AREL1: variants seen among roughly 807,000 people sequenced by gnomAD.
The protein encoded by AREL1 is apoptosis resistant E3 ubiquitin protein ligase 1, also known as apoptosis-resistant E3 ubiquitin protein ligase 1.
In AREL1, 62 loss-of-function variants were observed where a neutral mutation model predicts 99.0. The observed-to-expected ratio is 0.63, with a 90% CI of 0.51 to 0.77. The LOEUF (loss-of-function observed/expected upper bound fraction) is 0.77. Among genes scored for constraint, AREL1 ranks in the 30% least tolerant of loss-of-function variants. The pLI, the probability that AREL1 is intolerant of heterozygous loss-of-function variation, is 0.00. For missense variants in AREL1, 879 were observed against 1,027.6 expected (o/e 0.86, Z 1.98); for synonymous variants, 380 against 376.5 (o/e 1.01, Z -0.11).
chr14:74,667,371 T>C lies in AREL1; in HGVS notation c.2051A>G (p.Asn684Ser), dbSNP rs371956338. The C allele has an allele frequency of 6.2e-7, 1 of 1,614,184 alleles. No individual in the cohort carries two copies. The highest frequency in any genetic ancestry group is 8.5e-7 in the Non-Finnish European group (1 of 1,180,018). Residue 684 changes from asparagine to serine, a missense_variant, in exon 17 of 20, where the codon AAT becomes AGT. Physicochemically the swap from Asn to Ser is conservative, Grantham distance 46 (BLOSUM62 1). Coordinates refer to ENST00000356357, the MANE Select transcript of AREL1 (RefSeq NM_001039479.2). The stretch of plus-strand genomic sequence containing the variant: ...CAAAAGGTTCTCAGGGACCAATTCA[T>C]TCAGGCCTGAAACAAAGTAGGCAAG... ...EEVEHFLKGL[N>S]ELVPENLLAI...
At position 74,688,019 on chromosome 14, in the gene AREL1, CTTTTTTTTTTT is replaced by C. The variant is rs764034669; in HGVS notation, c.-45-2370_-45-2360del. Among the ~76,000 whole-genome samples, 18 of 108,718 alleles carry C rather than the reference CTTTTTTTTTTT, an allele frequency of 1.7e-4. No homozygotes were observed. In the South Asian group the frequency reaches 2.0e-3, roughly 12 times the overall value. The allele number at this position is 108,718 out of a possible 152,430, so 71.3% of individuals were successfully genotyped here. A position where few individuals can be genotyped will look rare whatever the true frequency, so the allele number is the denominator to read the frequency against. On this transcript the variant is annotated intron_variant, in intron 2 of 19. Coordinates refer to ENST00000356357, the MANE Select transcript of AREL1 (RefSeq NM_001039479.2). ...TCGTCCAACAAATACTGAGTACTTA[CTTTTTTTTTTT>C]TTTTTTTTTTTTTTTGACGGAGTCT...
intron 5 of AREL1, among the ~76,000 whole-genome samples, chr14:74,677,213 G>C (rs1237066226): frequency 6.6e-6 from 1 of 151,960 alleles, no homozygotes; most frequent in Non-Finnish European, 1.5e-5. Context: ...GAGGAAGAGA[G>C]GCCAGGTGCG....
At chr14:74,699,744 G>C (rs1376859316) in intron 1 of AREL1, among the ~76,000 whole-genome samples, 2 of 152,168 alleles carry the variant, frequency 1.3e-5, no homozygotes, top group Non-Finnish European at 2.9e-5. Flanking sequence ...GTTTGAAGGA[G>C]AAGTTTCCAA....
At chr14:74,695,564 C>T (rs1294312556) in intron 1 of AREL1, among the ~76,000 whole-genome samples, 4 of 152,208 alleles carry the variant, frequency 2.6e-5, no homozygotes, top group Admixed American at 6.5e-5. Context: ...AAGCACTCCC[C>T]CTTCTCTGGT....
At chr14:74,670,158 C>A (rs751294093) in intron 13 of AREL1, 32 bp from the exon 14 acceptor site, 4 of 1,546,812 alleles carry the variant, frequency 2.6e-6, no homozygotes, top group Non-Finnish European at 3.5e-6. Flanking sequence ...AGGCCCTGGG[C>A]CATTTTTCTT....
At position 74,686,337 on chromosome 14, in the gene AREL1, A is replaced by AG. The variant is rs571892095; in HGVS notation, c.-45-678dup. Among the ~76,000 whole-genome samples, 17 of 152,356 alleles carry AG rather than the reference A, an allele frequency of 1.1e-4. No homozygotes were observed. In the South Asian group the frequency reaches 3.5e-3, roughly 32 times the overall value. On this transcript the variant is annotated intron_variant, in intron 2 of 19. Coordinates refer to ENST00000356357, the MANE Select transcript of AREL1 (RefSeq NM_001039479.2). ...TCATGCCTGTCAAGGTAGGAGTCTG[A>AG]GGGAAGACTTTCACTGTTGTTAAAC...
chr14:74,661,908 C>G lies in AREL1; in HGVS notation c.*1812G>C, dbSNP rs1421373227. 1 of 152,760 alleles carries G rather than the reference C, an allele frequency of 6.5e-6. No homozygotes were observed. Among genetic ancestry groups the G allele is most frequent in the African/African-American group, 2.4e-5 (1 of 41,458 alleles). 9.5% of individuals were successfully genotyped at this position (152,760 alleles called of 1,614,324 possible). ...GGGGAGAATTCAGAAAAGCGACTGC[C>G]AAAAACAGCAGAACCAGTCCACGTG... On this transcript the variant is annotated 3_prime_UTR_variant, in exon 20 of 20. Transcript: ENST00000356357.
At chr14:74,682,172 C>CG (rs1418087024) in intron 5 of AREL1, among the ~76,000 whole-genome samples, 8 of 152,094 alleles carry the variant, frequency 5.3e-5, no homozygotes, top group Non-Finnish European at 8.8e-5. Flanking sequence ...GAAAGAGAGA[C>CG]GGCTTGAGAG....
At chr14:74,690,378 G>C (rs568849758) in intron 2 of AREL1, among the ~76,000 whole-genome samples, 1 of 152,014 alleles carries the variant, frequency 6.6e-6, no homozygotes, top group African/African-American at 2.4e-5. Flanking sequence ...GAATGCCTAA[G>C]GATCAGGAAT....
Position 74,669,988 on chromosome 14 carries a change from A to C in AREL1, c.1747T>G (p.Ser583Ala). ...KQLVRARFTR[S>A]FLAQIIGLRM... ...AGTCCTATGATTTGGGCCAGGAAAGAGCGGGTGAAGCGAGCTCGGACCAAC... is the reference window on the plus strand; with the variant it reads ...AGTCCTATGATTTGGGCCAGGAAAGCGCGGGTGAAGCGAGCTCGGACCAAC... Residue 583 changes from serine (S) to alanine (A), a missense_variant, in exon 14 of 20, where the codon TCT (serine) becomes GCT (alanine). Coordinates refer to ENST00000356357, the MANE Select transcript of AREL1 (RefSeq NM_001039479.2). 1 of 1,613,794 alleles carries C rather than the reference A, an allele frequency of 6.2e-7. No individual in the cohort carries two copies. Among genetic ancestry groups the C allele is most frequent in the Non-Finnish European group, 8.5e-7 (1 of 1,179,788 alleles).
chr14:74,712,845 C>G (rs952251693), intron 1 of AREL1, 88 bp downstream of exon 1: 1 of 440,530 alleles, frequency 2.3e-6, no homozygotes, highest in Non-Finnish European at 4.3e-6. Context: ...GGAGTCTGAA[C>G]CCCCCTACCC....
At chr14:74,684,344 G>A (rs9671386) in intron 4 of AREL1, 110 bp downstream of exon 4, 683,484 of 921,402 alleles carry the variant, frequency 0.74, 254,288 homozygotes, top group Admixed American at 0.78. Flanking sequence ...AGTTCCTGGA[G>A]GGAGTTGAAA....
At chr14:74,698,984 A>T (rs1486520679) in intron 1 of AREL1, 1 of 155,364 alleles carries the variant, frequency 6.4e-6, no homozygotes, top group African/African-American at 2.4e-5. Context: ...TGACTGCTCC[A>T]CTACACTTCA....
chr14:74,672,769 A>C, intron 11 of AREL1, 62 bp downstream of exon 11: 5 of 1,605,604 alleles, frequency 3.1e-6, no homozygotes, highest in Non-Finnish European at 4.3e-6. Flanking sequence ...AGTAACCTGC[A>C]GAATATAGAC....
chr14:74,673,363 A>T (rs750111677), intron 9 of AREL1, 145 bp from the exon 10 acceptor site: 39 of 815,356 alleles, frequency 4.8e-5, no homozygotes, highest in Admixed American at 1.2e-4. Context: ...ACATTTCATT[A>T]TTTTTCCCTT....
chr14:74,676,595 C>T lies in AREL1; in HGVS notation c.639G>A (p.Leu213=), dbSNP rs1379778843. 6.2e-7 allele frequency: 1 copy of T among 1,612,754 alleles called. No homozygotes were observed. The highest frequency in any genetic ancestry group is 1.1e-5 in the South Asian group (1 of 90,870). ...MSLRDEHNYT[L]SIHELGPQEE... is the part of the protein sequence containing the mutation. ...GGAGACTGCTTACCTCATGAATGGA[C>T]AAGGTGTAATTGTGCTCATCTCTCA... is the stretch of plus-strand genomic sequence containing the variant. The change falls in exon 6 of 20, where the codon TTG becomes TTA. Residue 213 remains leucine, a synonymous_variant. Transcript: ENST00000356357.
At chr14:74,703,153 A>C (rs2090115627) in intron 1 of AREL1, among the ~76,000 whole-genome samples, 1 of 152,220 alleles carries the variant, frequency 6.6e-6, no homozygotes, top group South Asian at 2.1e-4. Context: ...ACTGCTGATA[A>C]AGACATACTA....
chr14:74,701,978 T>C (rs1292827640), intron 1 of AREL1, among the ~76,000 whole-genome samples: 1 of 152,218 alleles, frequency 6.6e-6, no homozygotes, highest in South Asian at 2.1e-4. Flanking sequence ...CAGGTCACGC[T>C]GACACAAGAG....
At position 74,676,570 on chromosome 14, in the gene AREL1, G is replaced by A. The variant is rs745435768; in HGVS notation, c.651+13C>T. 8.1e-6 allele frequency: 13 copies of A among 1,609,812 alleles called. No individual in the cohort carries two copies. The highest frequency in any genetic ancestry group is 1.3e-5 in the African/African-American group (1 of 74,576). On this transcript the variant is annotated intron_variant, in intron 6 of 19. Transcript: ENST00000356357. ...TCTCTCTAGCACACAGATAAAGAAG[G>A]GAGACTGCTTACCTCATGAATGGAC...
Sources: gnomAD v4.1 joint callset for allele counts (sites outside exome capture counted in the v4.1 genomes callset) on GRCh38, gnomAD v4.1.1 for gene constraint, MANE v1.5 for transcripts, NCBI Gene and HGNC (gene_info 2026-07-23, HGNC 2026-07-21) for gene names.